DAB1: variants seen among roughly 807,000 people sequenced by gnomAD.
DAB1 encodes DAB adaptor protein 1.
In DAB1, 15 loss-of-function variants were observed where a neutral mutation model predicts 64.6. The observed-to-expected ratio is 0.23, with a 90% CI of 0.16 to 0.36. DAB1 has a LOEUF of 0.36. Among genes scored for constraint, DAB1 ranks in the 10% least tolerant of loss-of-function variants. The probability of loss-of-function intolerance (pLI) is 1.00; values close to 1 mark genes in which losing one functional copy is unlikely to be tolerated. For synonymous variants in DAB1, 235 were observed against 251.9 expected (o/e 0.93, Z 0.64); for missense variants, 596 against 706.7 (o/e 0.84, Z 1.78).
At chr1:57,775,457 T>C (rs749375586) in intron 6 of DAB1, among the ~76,000 whole-genome samples, 21 of 151,804 alleles carry the variant, frequency 1.4e-4, no homozygotes, top group Non-Finnish European at 2.1e-4. Context: ...AAAGCTGATA[T>C]GTTGTGTTTT....
intron 3 of DAB1, among the ~76,000 whole-genome samples, 181 bp downstream of exon 3, chr1:57,145,109 C>T (rs1327222045): frequency 1.3e-5 from 2 of 152,106 alleles, no homozygotes; most frequent in African/African-American, 4.8e-5. Context: ...ATAGTAGGTG[C>T]TCAACAAACA....
At chr1:57,774,452 G>A (rs140463471) in intron 6 of DAB1, among the ~76,000 whole-genome samples, 56 of 151,740 alleles carry the variant, frequency 3.7e-4, no homozygotes, top group African/African-American at 1.1e-3. Flanking sequence ...ATAACTAGCA[G>A]TTCCAGTACA....
intron 4 of DAB1, among the ~76,000 whole-genome samples, chr1:58,222,383 G>A (rs974121147): frequency 6.6e-6 from 1 of 152,094 alleles, no homozygotes; most frequent in Non-Finnish European, 1.5e-5. Context: ...GATGTTCATT[G>A]CACCAAGCCT....
intron 7 of DAB1, among the ~76,000 whole-genome samples, chr1:57,611,108 T>C (rs1381663180): frequency 2.0e-5 from 3 of 150,502 alleles, no homozygotes; most frequent in Non-Finnish European, 4.4e-5. Flanking sequence ...CTCAGCTATC[T>C]CACTGTTGGC....
intron 2 of DAB1, among the ~76,000 whole-genome samples, chr1:57,220,013 A>G (rs1666735368): frequency 6.6e-6 from 1 of 152,194 alleles, no homozygotes; most frequent in African/African-American, 2.4e-5. Flanking sequence ...ATTAGACTAC[A>G]AGCTTCTTGA....
chr1:57,999,379 G>C (rs1370546524), intron 5 of DAB1, among the ~76,000 whole-genome samples: 1 of 152,104 alleles, frequency 6.6e-6, no homozygotes, highest in African/African-American at 2.4e-5. Context: ...ATTCCAAATC[G>C]ATTGCCTCAA....
At chr1:57,719,517 A>G (rs577807733) in intron 6 of DAB1, among the ~76,000 whole-genome samples, 54 of 152,304 alleles carry the variant, frequency 3.5e-4, no homozygotes, top group Non-Finnish European at 6.0e-4. Flanking sequence ...TGAGGGAGGG[A>G]CCTGGTGGGA....
At chr1:57,776,722 C>G (rs922209005) in intron 6 of DAB1, among the ~76,000 whole-genome samples, 1 of 151,800 alleles carries the variant, frequency 6.6e-6, no homozygotes, top group Non-Finnish European at 1.5e-5. Flanking sequence ...AAGAATATTA[C>G]AAACATATAT....
At chr1:57,070,360 T>C (rs184107821) in intron 7 of DAB1, among the ~76,000 whole-genome samples, 1 of 152,336 alleles carries the variant, frequency 6.6e-6, no homozygotes, top group Admixed American at 6.5e-5. Flanking sequence ...AGGCTGTCTT[T>C]TCCCTTTTTT....
chr1:58,338,683 T>C (rs895850114), intron 4 of DAB1, among the ~76,000 whole-genome samples: 2 of 152,150 alleles, frequency 1.3e-5, no homozygotes, highest in African/African-American at 2.4e-5. Context: ...AACCAAAATC[T>C]AGTGTGAACA....
chr1:57,001,378 G>C (rs1306957334), intron 14 of DAB1, among the ~76,000 whole-genome samples: 1 of 152,044 alleles, frequency 6.6e-6, no homozygotes, highest in Non-Finnish European at 1.5e-5. Flanking sequence ...TCACCCACAG[G>C]GTAGGTCAAA....
At chr1:58,079,134 T>C (rs1649829039) in intron 5 of DAB1, among the ~76,000 whole-genome samples, 1 of 152,200 alleles carries the variant, frequency 6.6e-6, no homozygotes, top group Admixed American at 6.5e-5. Context: ...AGAAGTCAGG[T>C]GGCTTGACCA....
chr1:57,176,999 A>T (rs1662404880), intron 2 of DAB1, among the ~76,000 whole-genome samples: 1 of 145,322 alleles, frequency 6.9e-6, no homozygotes, highest in Non-Finnish European at 1.5e-5. Context: ...AAAAGCCCTC[A>T]GACTACCCAC....
At chr1:57,949,473 A>G (rs1000455888) in intron 5 of DAB1, among the ~76,000 whole-genome samples, 2 of 149,340 alleles carry the variant, frequency 1.3e-5, no homozygotes, top group South Asian at 2.1e-4. Context: ...CTATCTATCT[A>G]TCTATCTATC....
intron 7 of DAB1, among the ~76,000 whole-genome samples, chr1:57,480,154 A>AG (rs1330256158): frequency 1.3e-5 from 2 of 150,374 alleles, no homozygotes; most frequent in African/African-American, 4.9e-5. Flanking sequence ...TCCGTCTCAA[A>AG]AAAAAAAAAA....
At chr1:57,868,636 C>T (rs1654405708) in intron 1 of DAB1, among the ~76,000 whole-genome samples, 2 of 152,040 alleles carry the variant, frequency 1.3e-5, no homozygotes, top group Non-Finnish European at 2.9e-5. Context: ...AAATTGCCCC[C>T]AGTTGAGAAC....
intron 2 of DAB1, among the ~76,000 whole-genome samples, chr1:57,196,065 T>G (rs1201333567): frequency 6.7e-6 from 1 of 150,304 alleles, no homozygotes; most frequent in East Asian, 2.0e-4. Context: ...GGTGGGAGAG[T>G]GGGATGAAGA....
intron 5 of DAB1, among the ~76,000 whole-genome samples, chr1:58,122,945 G>C (rs1652837868): frequency 6.6e-6 from 1 of 152,116 alleles, no homozygotes; most frequent in Non-Finnish European, 1.5e-5. Flanking sequence ...GGCAAGAGAA[G>C]AATATATCAG....
intron 4 of DAB1, among the ~76,000 whole-genome samples, chr1:58,341,014 TC>T (rs1237534586): frequency 3.3e-5 from 5 of 150,466 alleles, no homozygotes; most frequent in Non-Finnish European, 5.9e-5. Context: ...GATGCCAGTA[TC>T]TTTTTCTCAA....
Sources: allele counts gnomAD v4.1 joint callset (sites outside exome capture counted in the v4.1 genomes callset), GRCh38; gene constraint gnomAD v4.1.1; transcripts MANE v1.5; gene names NCBI Gene and HGNC (gene_info 2026-07-23, HGNC 2026-07-21).